The following MPP7 variants were observed in gnomAD, a reference collection of about 807,000 sequenced individuals.
MPP7 encodes the protein MAGUK p55 subfamily member 7.
Under a neutral mutation model 76.5 loss-of-function variants are expected in MPP7, and 60 were observed. The observed-to-expected ratio is 0.78, with a 90% CI of 0.64 to 0.97. The LOEUF (loss-of-function observed/expected upper bound fraction) is 0.97, where lower values mean the gene tolerates loss of function less well. MPP7 is among the 50% of genes least tolerant of loss of function. The pLI, the probability that MPP7 is intolerant of heterozygous loss-of-function variation, is 0.00. For missense variants in MPP7, 641 were observed against 694.0 expected, an observed-to-expected ratio of 0.92 and a Z score of 0.86; for synonymous variants, 237 against 244.5, an observed-to-expected ratio of 0.97 and a Z score of 0.29.
At chr10:28,099,555 A>G (rs981268535) in intron 11 of MPP7, among the ~76,000 whole-genome samples, 6 of 152,220 alleles carry the variant, frequency 3.9e-5, no homozygotes, top group Non-Finnish European at 5.9e-5. Flanking sequence ...CTGTAATCCC[A>G]ACCCTCTGGG....
intron 3 of MPP7, among the ~76,000 whole-genome samples, chr10:28,183,766 G>A (rs1447936038): frequency 6.6e-6 from 1 of 152,072 alleles, no homozygotes; most frequent in East Asian, 1.9e-4. Flanking sequence ...CTCCAGGCTG[G>A]ATAACAGAGC....
At chr10:28,127,286 T>C (rs1835046959) in intron 6 of MPP7, among the ~76,000 whole-genome samples, 3 of 152,158 alleles carry the variant, frequency 2.0e-5, no homozygotes, top group Non-Finnish European at 4.4e-5. Flanking sequence ...TAAGGGCTTA[T>C]AATAAACTGA....
Position 28,315,263 on chromosome 10 carries a change from G to A in MPP7, c.-132+14666C>T, listed in dbSNP as rs568498446. Among the ~76,000 whole-genome samples the A allele has an allele frequency of 9.5e-4, 137 of 144,800 alleles. 1 individual carries two copies. Among genetic ancestry groups the A allele is most frequent in the African/African-American group, 3.3e-3 (128 of 39,212 alleles). The allele number at this position is 144,800 out of a possible 152,430, so 95.0% of individuals were successfully genotyped here. A position where few individuals can be genotyped will look rare whatever the true frequency, so the allele number is the denominator to read the frequency against. On this transcript the variant is annotated intron_variant, in intron 2 of 11. Transcript: ENST00000441595. ...AGGGAGAAAGGAAGGAAGGGAGGGA[G>A]GGAAAAGAAAGAAGGAGGGGGGAGG...
chr10:28,332,647 G>T (rs1834482327), intron 1 of MPP7, among the ~76,000 whole-genome samples: 2 of 152,076 alleles, frequency 1.3e-5, no homozygotes, highest in African/African-American at 4.8e-5. Context: ...AAACAACTCT[G>T]TAAGGTAAGT....
chr10:28,084,556 T>C (rs533996564), intron 12 of MPP7, among the ~76,000 whole-genome samples: 66 of 152,266 alleles, frequency 4.3e-4, no homozygotes, highest in African/African-American at 1.5e-3. Context: ...ATGTTAAATC[T>C]GACAAGCCCT....
intron 11 of MPP7, among the ~76,000 whole-genome samples, chr10:28,109,165 G>A (rs936471643): frequency 6.6e-6 from 1 of 152,122 alleles, no homozygotes; most frequent in African/African-American, 2.4e-5. Flanking sequence ...GTGGGTGCCT[G>A]TAATCCCAGC....
intron 2 of MPP7, among the ~76,000 whole-genome samples, chr10:28,214,158 A>C (rs570672855): frequency 1.1e-4 from 16 of 152,306 alleles, no homozygotes; most frequent in African/African-American, 3.8e-4. Context: ...TTGCATTTTT[A>C]TGTAATAATC....
In MPP7 at chr10:28,324,135, G is replaced by T. The variant is rs550656100; in HGVS notation, c.-132+5794C>A. Among the ~76,000 whole-genome samples, 199 of 152,252 alleles carry T rather than the reference G, an allele frequency of 1.3e-3. 1 individual carries two copies. The highest frequency in any genetic ancestry group is 4.6e-3 in the African/African-American group (193 of 41,540). The stretch of plus-strand genomic sequence containing the variant: ...CCCAAGTTGATGATATTAGGAGGCA[G>T]GGTCTTTGGGGCTGTGACTAGGTCA... On this transcript the variant is annotated intron_variant, in intron 2 of 11. Transcript: ENST00000441595.
intron 2 of MPP7, among the ~76,000 whole-genome samples, chr10:28,323,085 G>C (rs1000378037): frequency 2.0e-5 from 3 of 152,118 alleles, no homozygotes. Context: ...AGGAGATTGA[G>C]ACCATCCTGG....
rs1338477485 is a variant in MPP7 at position 28,054,251 on chromosome 10, A to G, written c.1552-7T>C. 6.6e-7 allele frequency: 1 copy of G among 1,520,788 alleles called. No individual in the cohort carries two copies. The highest frequency in any genetic ancestry group is 1.4e-5 in the African/African-American group (1 of 72,084). The allele number at this position is 1,520,788 out of a possible 1,614,324, so 94.2% of individuals were successfully genotyped here. A position where few individuals can be genotyped will look rare whatever the true frequency, so the allele number is the denominator to read the frequency against. On this transcript the variant is annotated splice_region_variant and splice_polypyrimidine_tract_variant and intron_variant, in intron 16 of 16. Transcript: ENST00000683449. ...TTTCTTGAAAATCTTCTTCCTACAA[A>G]AGGAAGTATTAAAAAAATAATTGGT...
intron 11 of MPP7, among the ~76,000 whole-genome samples, chr10:28,111,162 T>A (rs1834494001): frequency 6.6e-6 from 1 of 152,038 alleles, no homozygotes. Context: ...TGATTAAATG[T>A]GCAGAAAATG....
At chr10:28,304,466 C>T (rs958651274), upstream of MPP7, among the ~76,000 whole-genome samples, 9 of 152,104 alleles carry the variant, frequency 5.9e-5, no homozygotes, top group Non-Finnish European at 1.2e-4. Flanking sequence ...GGGCAAAACA[C>T]CTGATAGAAA....
At chr10:28,304,340 G>A (rs1279854778), upstream of MPP7, among the ~76,000 whole-genome samples, 2 of 152,086 alleles carry the variant, frequency 1.3e-5, no homozygotes, top group East Asian at 3.9e-4. Context: ...TTGAAATTAA[G>A]CACTTCCCCC....
At chr10:28,249,222 AT>A (rs1470857111) in intron 1 of MPP7, among the ~76,000 whole-genome samples, 1 of 145,736 alleles carries the variant, frequency 6.9e-6, no homozygotes, top group Non-Finnish European at 1.5e-5. Flanking sequence ...TGCTAATCTC[AT>A]TGATCACAAC....
chr10:28,324,850 T>A (rs12098807), intron 2 of MPP7, among the ~76,000 whole-genome samples: 1 of 152,108 alleles, frequency 6.6e-6, no homozygotes, highest in Admixed American at 6.5e-5. Flanking sequence ...TATTAGCCCC[T>A]TTTTAACAGT....
At chr10:28,325,655 G>A (rs1367854230) in intron 2 of MPP7, among the ~76,000 whole-genome samples, 2 of 151,844 alleles carry the variant, frequency 1.3e-5, no homozygotes, top group East Asian at 2.0e-4. Flanking sequence ...CACCATACCC[G>A]GCTAATTTTT....
intron 13 of MPP7, among the ~76,000 whole-genome samples, chr10:28,065,359 T>C (rs555896392): frequency 6.6e-5 from 10 of 152,324 alleles, no homozygotes; most frequent in African/African-American, 2.4e-4. Context: ...TACAACCAAA[T>C]TGTTTGCTTA....
At chr10:28,285,851 T>A (rs907943331) in intron 1 of MPP7, among the ~76,000 whole-genome samples, 5 of 152,180 alleles carry the variant, frequency 3.3e-5, no homozygotes, top group Non-Finnish European at 5.9e-5. Flanking sequence ...GCCTGTTTTT[T>A]TTTTTATTTA....
intron 1 of MPP7, among the ~76,000 whole-genome samples, chr10:28,333,783 A>C (rs1834491394): frequency 6.6e-6 from 1 of 152,208 alleles, no homozygotes; most frequent in Non-Finnish European, 1.5e-5. Flanking sequence ...AATTTTTTTA[A>C]GTCTATCTAG....
Sources: gnomAD v4.1 joint callset for allele counts (sites outside exome capture counted in the v4.1 genomes callset) on GRCh38, gnomAD v4.1.1 for gene constraint, MANE v1.5 for transcripts, NCBI Gene and HGNC (gene_info 2026-07-23, HGNC 2026-07-21) for gene names.